The following PLD5 variants were observed in gnomAD, a reference collection of about 807,000 sequenced individuals.
PLD5 encodes phospholipase D family member 5.
PLD5 carries 36 observed loss-of-function variants against 61.1 expected under a neutral mutation model. The observed-to-expected ratio is 0.59, with a 90% CI of 0.45 to 0.78. The LOEUF is 0.78. Ranked by LOEUF, PLD5 falls within the 30% of genes least tolerant of loss-of-function variation. The pLI is 0.00. For missense variants in PLD5, 515 were observed against 644.4 expected, an observed-to-expected ratio of 0.80 and a Z score of 2.17; for synonymous variants, 243 against 242.8, an observed-to-expected ratio of 1.00 and a Z score of -0.01.
intron 3 of PLD5, among the ~76,000 whole-genome samples, chr1:242,266,549 A>G (rs1673684334): frequency 1.3e-5 from 2 of 152,228 alleles, no homozygotes; most frequent in South Asian, 4.1e-4. Context: ...GTATGTTTTA[A>G]TAGACTCCCG....
intron 2 of PLD5, among the ~76,000 whole-genome samples, chr1:242,338,574 T>C (rs1659659709): frequency 6.6e-6 from 1 of 152,252 alleles, no homozygotes; most frequent in Non-Finnish European, 1.5e-5. Flanking sequence ...AACTTTGAAA[T>C]AATTAGCTTC....
chr1:242,394,279 TGTATATATATGAGTATATATATGA>T (rs1254721116), intron 1 of PLD5, among the ~76,000 whole-genome samples: 1 of 92,606 alleles, frequency 1.1e-5, no homozygotes, highest in Admixed American at 1.3e-4. Context: ...TATATATATG[TGTATATATATGAGTATATATATGA>T]GTATATATGT....
At chr1:242,451,118 G>A (rs1397619170) in intron 1 of PLD5, among the ~76,000 whole-genome samples, 1 of 152,140 alleles carries the variant, frequency 6.6e-6, no homozygotes, top group Non-Finnish European at 1.5e-5. Context: ...ATCTACTGCA[G>A]TGTGACCAGG....
intron 5 of PLD5, among the ~76,000 whole-genome samples, chr1:242,194,614 C>T (rs61848041): frequency 1.6e-5 from 1 of 62,604 alleles, no homozygotes; most frequent in Admixed American, 1.9e-4. Flanking sequence ...ATGTATCTAT[C>T]TATGTATCTA....
intron 2 of PLD5, among the ~76,000 whole-genome samples, chr1:242,326,333 G>A (rs1286950632): frequency 6.6e-6 from 1 of 151,732 alleles, no homozygotes; most frequent in Non-Finnish European, 1.5e-5. Context: ...CTAAGTATAT[G>A]CATACTAAAG....
At chr1:242,358,646 C>T (rs1308773586) in intron 1 of PLD5, among the ~76,000 whole-genome samples, 1 of 151,722 alleles carries the variant, frequency 6.6e-6, no homozygotes, top group African/African-American at 2.4e-5. Flanking sequence ...TATTCTCCAG[C>T]TGGAATATAC....
chr1:242,523,741 C>G (rs1442876034), intron 1 of PLD5, among the ~76,000 whole-genome samples: 1 of 152,224 alleles, frequency 6.6e-6, no homozygotes, highest in Non-Finnish European at 1.5e-5. Context: ...TACCATGCAA[C>G]GCCAGGTTGC....
At chr1:242,317,206 G>C (rs1227093124) in intron 2 of PLD5, among the ~76,000 whole-genome samples, 2 of 152,080 alleles carry the variant, frequency 1.3e-5, no homozygotes, top group East Asian at 3.9e-4. Context: ...GTAGAGACAT[G>C]GTTTCGCCAT....
At chr1:242,298,706 A>T (rs6429346) in intron 2 of PLD5, among the ~76,000 whole-genome samples, 21 of 152,096 alleles carry the variant, frequency 1.4e-4, no homozygotes, top group African/African-American at 4.3e-4. Flanking sequence ...TGCAAGTGGC[A>T]GCTCTCTTAC....
intron 5 of PLD5, among the ~76,000 whole-genome samples, chr1:242,151,926 C>G (rs758432236): frequency 6.6e-6 from 1 of 152,032 alleles, no homozygotes; most frequent in Non-Finnish European, 1.5e-5. Flanking sequence ...ACTTTTTACC[C>G]AGTTTCTCCC....
intron 1 of PLD5, among the ~76,000 whole-genome samples, chr1:242,374,750 T>C (rs142819863): frequency 1.5e-3 from 227 of 152,286 alleles, no homozygotes; most frequent in Non-Finnish European, 1.9e-3. Flanking sequence ...CTCCATCTAT[T>C]AGCATTAGAT....
chr1:242,089,179 T>C lies in PLD5; in HGVS notation c.*675A>G. ...CCACTTAGTATCCATTCTGAAAAAT[T>C]TGTATGTTTTCAAAAGATGTTATCA... On this transcript the variant is annotated 3_prime_UTR_variant, in exon 10 of 10. Coordinates refer to ENST00000536534, the MANE Select transcript of PLD5 (RefSeq NM_001372062.1). 2 of 396,038 alleles carry C rather than the reference T, an allele frequency of 5.1e-6. No homozygotes were observed. Among genetic ancestry groups the C allele is most frequent in the East Asian group, 7.2e-5 (2 of 27,892 alleles). The allele number at this position is 396,038 out of a possible 1,614,324, so 24.5% of individuals were successfully genotyped here.
At chr1:242,169,532 AT>A (rs376759515) in intron 5 of PLD5, among the ~76,000 whole-genome samples, 6 of 151,644 alleles carry the variant, frequency 4.0e-5, no homozygotes, top group Non-Finnish European at 5.9e-5. Context: ...TAGCTGCAAG[AT>A]TTTTTTTTCC....
rs12090939 is a variant in PLD5 at position 242,372,050 on chromosome 1, G to A, written c.190-23808C>T. On this transcript the variant is annotated intron_variant, in intron 1 of 9. Transcript: ENST00000536534. Reference sequence around the variant, plus strand: ...CACACCCCCGCCCTGACAGGCCCTGGTGTGTGATGTTCCCCTCCCTGTGTC... The same window carrying A: ...CACACCCCCGCCCTGACAGGCCCTGATGTGTGATGTTCCCCTCCCTGTGTC... 9.9e-3 allele frequency among the ~76,000 whole-genome samples: 1,513 copies of A among 152,148 alleles called. 24 individuals carry two copies. The highest frequency in any genetic ancestry group is 0.034 in the African/African-American group (1,411 of 41,496).
At chr1:242,467,277 C>T (rs1047761828) in intron 1 of PLD5, among the ~76,000 whole-genome samples, 1 of 152,048 alleles carries the variant, frequency 6.6e-6, no homozygotes, top group Non-Finnish European at 1.5e-5. Flanking sequence ...TTGTCTTTCT[C>T]TGCAATGTTT....
intron 1 of PLD5, among the ~76,000 whole-genome samples, chr1:242,449,017 T>C (rs1266325393): frequency 6.6e-6 from 1 of 152,186 alleles, no homozygotes; most frequent in Non-Finnish European, 1.5e-5. Context: ...TCATGGAAAT[T>C]ACAGTTACTT....
chr1:242,158,790 C>A (rs1409333182), intron 5 of PLD5, among the ~76,000 whole-genome samples: 2 of 152,046 alleles, frequency 1.3e-5, no homozygotes, highest in Non-Finnish European at 2.9e-5. Flanking sequence ...CCTATTTTTT[C>A]TTTGTCCTTT....
intron 1 of PLD5, among the ~76,000 whole-genome samples, chr1:242,485,654 G>C (rs767419310): frequency 1.3e-5 from 2 of 152,174 alleles, no homozygotes; most frequent in African/African-American, 4.8e-5. Context: ...GTAATTTATA[G>C]ATTCAATGCC....
chr1:242,121,454 C>T (rs1662350861), intron 6 of PLD5, among the ~76,000 whole-genome samples: 1 of 151,904 alleles, frequency 6.6e-6, no homozygotes, highest in African/African-American at 2.4e-5. Flanking sequence ...GGTGTTCAAT[C>T]AATATCTGTT....
Sources: allele counts gnomAD v4.1 joint callset (sites outside exome capture counted in the v4.1 genomes callset), GRCh38; gene constraint gnomAD v4.1.1; transcripts MANE v1.5; gene names NCBI Gene and HGNC (gene_info 2026-07-23, HGNC 2026-07-21).